Variants in CFAP299 observed in about 807,000 individuals in gnomAD.
The protein encoded by CFAP299 is cilia and flagella associated protein 299, also known as cilia- and flagella-associated protein 299.
In CFAP299, 21 loss-of-function variants were observed where a neutral mutation model predicts 27.0. The observed-to-expected ratio is 0.78, with a 90% CI of 0.55 to 1.12. CFAP299 has a LOEUF of 1.12. CFAP299 is among the 50% of genes most tolerant of loss of function. The pLI is 0.00. For missense variants in CFAP299, 310 were observed against 276.6 expected, an observed-to-expected ratio of 1.12 and a Z score of -0.86; for synonymous variants, 104 against 98.1, an observed-to-expected ratio of 1.06 and a Z score of -0.36.
intron 3 of CFAP299, among the ~76,000 whole-genome samples, chr4:80,737,733 CA>C (rs1287279417): frequency 2.7e-5 from 4 of 145,718 alleles, no homozygotes; most frequent in African/African-American, 1.0e-4. Flanking sequence ...ACTTTTTAAA[CA>C]AACAAAAAAA....
chr4:80,955,829 C>T (rs540798721), intron 5 of CFAP299, among the ~76,000 whole-genome samples: 5 of 152,202 alleles, frequency 3.3e-5, no homozygotes, highest in African/African-American at 1.2e-4. Flanking sequence ...AACCCCATCT[C>T]TACTAAAGAA....
intron 3 of CFAP299, among the ~76,000 whole-genome samples, chr4:80,827,846 G>C (rs1046888476): frequency 6.6e-6 from 1 of 151,892 alleles, no homozygotes; most frequent in Non-Finnish European, 1.5e-5. Context: ...AATAAATTCA[G>C]CAAACTAGCA....
intron 3 of CFAP299, among the ~76,000 whole-genome samples, chr4:80,619,565 A>G (rs929425103): frequency 6.6e-6 from 1 of 152,096 alleles, no homozygotes; most frequent in African/African-American, 2.4e-5. Context: ...CATATTATAT[A>G]TCTAGAATAT....
intron 4 of CFAP299, among the ~76,000 whole-genome samples, chr4:80,930,100 T>C (rs1736538962): frequency 6.6e-6 from 1 of 152,064 alleles, no homozygotes; most frequent in Non-Finnish European, 1.5e-5. Context: ...CAACAACCTC[T>C]AGAAAAGGGA....
chr4:80,501,671 C>A (rs1178293899), intron 2 of CFAP299, among the ~76,000 whole-genome samples: 1 of 151,202 alleles, frequency 6.6e-6, no homozygotes, highest in African/African-American at 2.4e-5. Context: ...ATTTGCTCAA[C>A]AGTTTGAATT....
chr4:80,842,389 A>G (rs1374459940), intron 3 of CFAP299, among the ~76,000 whole-genome samples: 1 of 152,170 alleles, frequency 6.6e-6, no homozygotes, highest in African/African-American at 2.4e-5. Flanking sequence ...AGTGAAGACA[A>G]CAGACTTAGA....
intron 3 of CFAP299, among the ~76,000 whole-genome samples, chr4:80,836,125 G>A (rs1312674231): frequency 6.6e-6 from 1 of 152,026 alleles, no homozygotes; most frequent in South Asian, 2.1e-4. Context: ...TATTAAATTG[G>A]TTCAGCACTT....
chr4:80,618,062 A>G (rs1375893094), intron 3 of CFAP299, among the ~76,000 whole-genome samples: 2 of 152,162 alleles, frequency 1.3e-5, no homozygotes, highest in African/African-American at 4.8e-5. Flanking sequence ...TCATTTGCAT[A>G]CCGCATAGGT....
intron 4 of CFAP299, among the ~76,000 whole-genome samples, chr4:80,934,981 T>A (rs942339874): frequency 6.6e-5 from 10 of 150,556 alleles, no homozygotes; most frequent in Non-Finnish European, 1.5e-4. Flanking sequence ...TTATTTGAGA[T>A]TTTTTTCTGA....
rs1578025982 is a variant in CFAP299 at position 80,692,050 on chromosome 4, C to G, written c.333+108867C>G. Among the ~76,000 whole-genome samples the G allele has an allele frequency of 2.0e-5, 3 of 152,124 alleles. No homozygotes were observed. The South Asian group carries it at 6.2e-4, about 31-fold the overall frequency. ...CTGCTCAAGGAAATAAAAGAGGATACAAACAAATGGAAGAGCATTCTATGC... is the reference window on the plus strand; with the variant it reads ...CTGCTCAAGGAAATAAAAGAGGATAGAAACAAATGGAAGAGCATTCTATGC... On this transcript the variant is annotated intron_variant, in intron 3 of 5. Transcript: ENST00000358105.
At position 80,705,682 on chromosome 4, in the gene CFAP299, C is replaced by A. The variant is rs113607751; in HGVS notation, c.333+122499C>A. Among the ~76,000 whole-genome samples, 211 of 151,952 alleles carry A rather than the reference C, an allele frequency of 1.4e-3. 3 individuals are homozygous for A. The highest frequency in any genetic ancestry group is 4.9e-3 in the African/African-American group (203 of 41,520). ...AATCTCCACCTAATGGTTGGGAACA[C>A]TGGACTGCTTTCCTTCTATTTAGTT... On this transcript the variant is annotated intron_variant, in intron 3 of 5. Coordinates refer to ENST00000358105, the MANE Select transcript of CFAP299 (RefSeq NM_152770.3).
At chr4:80,570,177 C>A (rs1186948348) in intron 2 of CFAP299, among the ~76,000 whole-genome samples, 2 of 151,876 alleles carry the variant, frequency 1.3e-5, no homozygotes, top group Non-Finnish European at 2.9e-5. Context: ...AGGTTCTTTT[C>A]ATTAAAGTTT....
At chr4:80,881,420 C>A (rs1382065932) in intron 4 of CFAP299, among the ~76,000 whole-genome samples, 1 of 152,110 alleles carries the variant, frequency 6.6e-6, no homozygotes, top group Non-Finnish European at 1.5e-5. Flanking sequence ...AGGTATGCAA[C>A]AAAGAAAGGA....
intron 3 of CFAP299, among the ~76,000 whole-genome samples, chr4:80,719,311 AAAAAT>A (rs1444880985): frequency 6.6e-6 from 1 of 152,214 alleles, no homozygotes; most frequent in Non-Finnish European, 1.5e-5. Flanking sequence ...ATAAACCTAA[AAAAAT>A]AAAATAAAGA....
intron 3 of CFAP299, among the ~76,000 whole-genome samples, chr4:80,671,213 GC>G (rs1287388127): frequency 8.5e-5 from 13 of 152,246 alleles, no homozygotes; most frequent in African/African-American, 3.1e-4. Flanking sequence ...CATATGGCTA[GC>G]CAGTTTTCCC....
At chr4:80,492,995 ATC>A (rs760413784) in intron 2 of CFAP299, among the ~76,000 whole-genome samples, 43 of 152,124 alleles carry the variant, frequency 2.8e-4, no homozygotes, top group Admixed American at 2.6e-4. Context: ...CAGGTGAGTT[ATC>A]TCCTATCTCC....
chr4:80,672,810 T>C (rs1304278421), intron 3 of CFAP299, among the ~76,000 whole-genome samples: 3 of 152,214 alleles, frequency 2.0e-5, no homozygotes, highest in African/African-American at 7.2e-5. Context: ...TATAGTATTC[T>C]CTGAAGGCAG....
chr4:80,769,239 G>T (rs186694692), intron 3 of CFAP299, among the ~76,000 whole-genome samples: 1 of 152,164 alleles, frequency 6.6e-6, no homozygotes. Flanking sequence ...AATACACTAC[G>T]GTATGACATG....
At chr4:80,706,773 G>A (rs1721844232) in intron 3 of CFAP299, among the ~76,000 whole-genome samples, 1 of 151,894 alleles carries the variant, frequency 6.6e-6, no homozygotes, top group African/African-American at 2.4e-5. Flanking sequence ...ATGGTCATCA[G>A]TTTTGACATT....
Sources: allele counts gnomAD v4.1 joint callset (sites outside exome capture counted in the v4.1 genomes callset), GRCh38; gene constraint gnomAD v4.1.1; transcripts MANE v1.5; gene names NCBI Gene and HGNC (gene_info 2026-07-23, HGNC 2026-07-21).